TTC29: variants seen among roughly 807,000 people sequenced by gnomAD.
TTC29 encodes the protein tetratricopeptide repeat domain 29.
TTC29 carries 49 observed loss-of-function variants against 58.1 expected under a neutral mutation model. That is an observed-to-expected ratio of 0.84 (90% confidence interval 0.67 to 1.07). The LOEUF (loss-of-function observed/expected upper bound fraction) is 1.07, where lower values mean the gene tolerates loss of function less well. TTC29 is among the 50% of genes least tolerant of loss of function. The pLI, the probability that TTC29 is intolerant of heterozygous loss-of-function variation, is 0.00. For synonymous variants in TTC29, 209 were observed against 196.8 expected (o/e 1.06, Z -0.52); for missense variants, 582 against 555.6 (o/e 1.05, Z -0.48).
chr4:146,740,057 G>C (rs1303341376), intron 11 of TTC29, among the ~76,000 whole-genome samples: 2 of 152,184 alleles, frequency 1.3e-5, no homozygotes, highest in Non-Finnish European at 2.9e-5. Context: ...GCACTGGATG[G>C]AAGGACCTGG....
intron 8 of TTC29, among the ~76,000 whole-genome samples, chr4:146,859,809 A>T (rs1736343011): frequency 6.6e-6 from 1 of 152,112 alleles, no homozygotes; most frequent in South Asian, 2.1e-4. Context: ...AGAGAAATAG[A>T]AGGAAAGAGG....
At chr4:146,805,207 T>G (rs1224867063) in intron 10 of TTC29, among the ~76,000 whole-genome samples, 1 of 152,098 alleles carries the variant, frequency 6.6e-6, no homozygotes, top group Non-Finnish European at 1.5e-5. Context: ...AAAAAGGATG[T>G]GCACCCAGAA....
chr4:146,835,973 T>C (rs17609921), intron 8 of TTC29, among the ~76,000 whole-genome samples: 9,364 of 152,170 alleles, frequency 0.062, 394 homozygotes, highest in Admixed American at 0.13. Context: ...TAGCTTCCCA[T>C]TGGAGACAGA....
chr4:146,815,985 C>A (rs1751373742), intron 10 of TTC29, among the ~76,000 whole-genome samples: 1 of 152,152 alleles, frequency 6.6e-6, no homozygotes. Context: ...TTTATACTTG[C>A]ATTTTCTTAA....
intron 10 of TTC29, 132 bp downstream of exon 10, chr4:146,819,993 C>G: frequency 8.5e-7 from 1 of 1,177,368 alleles, no homozygotes; most frequent in Non-Finnish European, 1.2e-6. Flanking sequence ...TTAACTACAC[C>G]CTGCAGTCCA....
At chr4:146,798,244 T>C (rs1317762997) in intron 11 of TTC29, among the ~76,000 whole-genome samples, 1 of 151,902 alleles carries the variant, frequency 6.6e-6, no homozygotes, top group Non-Finnish European at 1.5e-5. Flanking sequence ...GCAGGAATAT[T>C]CAGAAATCAG....
chr4:146,792,023 C>G (rs1749494171), intron 11 of TTC29, among the ~76,000 whole-genome samples: 1 of 152,158 alleles, frequency 6.6e-6, no homozygotes, highest in Middle Eastern at 3.2e-3. Context: ...GAAGTCATCT[C>G]CATAACATAA....
At chr4:146,768,605 C>G (rs1310034136) in intron 11 of TTC29, among the ~76,000 whole-genome samples, 1 of 151,974 alleles carries the variant, frequency 6.6e-6, no homozygotes, top group South Asian at 2.1e-4. Context: ...GCTGGCTGAG[C>G]TGTGAAACTG....
intron 11 of TTC29, among the ~76,000 whole-genome samples, chr4:146,726,837 GC>G (rs1318267915): frequency 6.6e-6 from 1 of 151,774 alleles, no homozygotes; most frequent in African/African-American, 2.4e-5. Flanking sequence ...AAAATAATAG[GC>G]CCTAAGAATT....
chr4:146,821,987 T>G (rs1751868384), intron 9 of TTC29, among the ~76,000 whole-genome samples: 2 of 42,716 alleles, frequency 4.7e-5, no homozygotes, highest in Admixed American at 3.3e-4. Flanking sequence ...TGTCTAGTGT[T>G]TTTTTTTTTT....
chr4:146,897,191 T>C (rs1378674720), intron 6 of TTC29, among the ~76,000 whole-genome samples: 1 of 152,110 alleles, frequency 6.6e-6, no homozygotes, highest in Non-Finnish European at 1.5e-5. Context: ...GTGGTCATAA[T>C]ATAACCAAAA....
intron 10 of TTC29, among the ~76,000 whole-genome samples, chr4:146,818,996 C>T: frequency 6.6e-6 from 1 of 151,668 alleles, no homozygotes; most frequent in East Asian, 1.9e-4. Flanking sequence ...TGACGAGTTA[C>T]CTAATGCTAA....
chr4:146,928,784 G>A (rs960333887), intron 4 of TTC29, among the ~76,000 whole-genome samples: 1 of 152,094 alleles, frequency 6.6e-6, no homozygotes, highest in Non-Finnish European at 1.5e-5. Context: ...AATGTCTTTT[G>A]CTTGGGGTGT....
At chr4:146,829,750 G>A (rs1297342005) in intron 9 of TTC29, among the ~76,000 whole-genome samples, 1 of 152,116 alleles carries the variant, frequency 6.6e-6, no homozygotes, top group Non-Finnish European at 1.5e-5. Flanking sequence ...CTCCATTGTG[G>A]AAAGTTTTCT....
At chr4:146,876,052 T>C (rs1353487295) in intron 6 of TTC29, among the ~76,000 whole-genome samples, 1 of 152,062 alleles carries the variant, frequency 6.6e-6, no homozygotes, top group African/African-American at 2.4e-5. Flanking sequence ...TAAGAGTGAG[T>C]GTGGGCTCCG....
chr4:146,717,185 A>G (rs1180913661), intron 11 of TTC29, among the ~76,000 whole-genome samples: 3 of 152,210 alleles, frequency 2.0e-5, no homozygotes, highest in African/African-American at 2.4e-5. Flanking sequence ...CAGTTGCAAC[A>G]TTTAGATAAT....
chr4:146,797,603 G>T (rs945400389), intron 11 of TTC29, among the ~76,000 whole-genome samples: 128 of 150,872 alleles, frequency 8.5e-4, no homozygotes, highest in African/African-American at 2.9e-3. Context: ...GATCTTTCTG[G>T]TTTTTTTTGT....
At position 146,708,308 on chromosome 4, in the gene TTC29, TTATATATATATATATATATA is replaced by T. The variant is rs59963230; in HGVS notation, c.1331-777_1331-758del. Among the ~76,000 whole-genome samples, 103 of 62,196 alleles carry T rather than the reference TTATATATATATATATATATA, an allele frequency of 1.7e-3. 6 individuals are homozygous for T. Among genetic ancestry groups the T allele is most frequent in the African/African-American group, 4.2e-3 (45 of 10,770 alleles). The allele number at this position is 62,196 out of a possible 152,430, so 40.8% of individuals were successfully genotyped here. A position where few individuals can be genotyped will look rare whatever the true frequency, so the allele number is the denominator to read the frequency against. ...AATAATGAAGTCAAATATGGGAAGT[TTATATATATATATATATATA>T]TATATATATATATATATATATATAT... On this transcript the variant is annotated intron_variant, in intron 11 of 12. Transcript: ENST00000325106.
At chr4:146,796,110 T>C (rs916709889) in intron 11 of TTC29, among the ~76,000 whole-genome samples, 2 of 151,966 alleles carry the variant, frequency 1.3e-5, no homozygotes, top group Non-Finnish European at 2.9e-5. Flanking sequence ...CAGCTACATT[T>C]TTCTTACAAG....
Sources: gnomAD v4.1 joint callset for allele counts (sites outside exome capture counted in the v4.1 genomes callset) on GRCh38, gnomAD v4.1.1 for gene constraint, MANE v1.5 for transcripts, NCBI Gene and HGNC (gene_info 2026-07-23, HGNC 2026-07-21) for gene names.